Variants in LRMDA observed in about 807,000 individuals in gnomAD.
LRMDA encodes leucine rich melanocyte differentiation associated, also known as leucine-rich melanocyte differentiation-associated protein.
In LRMDA, 18 loss-of-function variants were observed where a neutral mutation model predicts 29.8. The ratio of observed to expected loss-of-function variants is 0.60; its 90% CI spans 0.42 to 0.90. The LOEUF (loss-of-function observed/expected upper bound fraction) is 0.90, where lower values mean the gene tolerates loss of function less well. LRMDA is among the 40% of genes least tolerant of loss of function. LRMDA has a pLI of 0.00. For missense variants in LRMDA, 273 were observed against 273.9 expected (o/e 1.00, Z 0.02); for synonymous variants, 125 against 109.4 (o/e 1.14, Z -0.89).
At chr10:75,905,636 A>G (rs1407776620) in intron 2 of LRMDA, among the ~76,000 whole-genome samples, 1 of 151,894 alleles carries the variant, frequency 6.6e-6, no homozygotes, top group Non-Finnish European at 1.5e-5. Context: ...GAGTCAGTCT[A>G]ATTTCTAGAG....
In LRMDA at chr10:76,027,162, A is replaced by T. The variant is rs547645627; in HGVS notation, c.132-8846A>T. On this transcript the variant is annotated intron_variant, in intron 2 of 6. Transcript: ENST00000611255. ...TCCTTGGATGGTGTTTCTGAATGCA[A>T]ATCCACCTTTGAATCTGGCACCTGG... 2.5e-4 allele frequency among the ~76,000 whole-genome samples: 38 copies of T among 152,204 alleles called. No individual in the cohort carries two copies. The South Asian group carries it at 3.3e-3, about 13-fold the overall frequency.
At chr10:75,613,456 A>ACAGTAT (rs1297787664) in intron 2 of LRMDA, among the ~76,000 whole-genome samples, 1 of 152,150 alleles carries the variant, frequency 6.6e-6, no homozygotes, top group African/African-American at 2.4e-5. Context: ...TATGGATCAG[A>ACAGTAT]CAGTATCTCT....
intron 2 of LRMDA, among the ~76,000 whole-genome samples, chr10:75,570,285 G>A (rs1490892561): frequency 2.0e-5 from 3 of 152,204 alleles, no homozygotes; most frequent in Non-Finnish European, 4.4e-5. Flanking sequence ...AAGGTTAAAA[G>A]CACTATACTG....
At chr10:75,980,963 T>C (rs766134635) in intron 2 of LRMDA, among the ~76,000 whole-genome samples, 4 of 152,210 alleles carry the variant, frequency 2.6e-5, no homozygotes, top group Non-Finnish European at 5.9e-5. Flanking sequence ...TCCCCTAGCA[T>C]GTTTTAAACT....
intron 2 of LRMDA, among the ~76,000 whole-genome samples, chr10:75,728,877 G>A (rs1440647769): frequency 6.6e-6 from 1 of 152,098 alleles, no homozygotes; most frequent in Non-Finnish European, 1.5e-5. Flanking sequence ...AAGAGTGGTG[G>A]TCTCCCCCTG....
Position 75,686,655 on chromosome 10 carries a change from A to G in LRMDA, c.131+248161A>G, listed in dbSNP as rs560942648. Among the ~76,000 whole-genome samples, 76 of 152,322 alleles carry G rather than the reference A, an allele frequency of 5.0e-4. 1 individual carries two copies. Among genetic ancestry groups the G allele is most frequent in the Middle Eastern group, 3.4e-3 (1 of 294 alleles). ...CCCTATAGTTGTTTGTTTTCATAAT[A>G]TCATATTCTCCACATGTTCTATGAA... On this transcript the variant is annotated intron_variant, in intron 2 of 6. Transcript: ENST00000611255.
chr10:76,363,825 G>C (rs1394184590), intron 6 of LRMDA, among the ~76,000 whole-genome samples: 1 of 152,136 alleles, frequency 6.6e-6, no homozygotes, highest in Non-Finnish European at 1.5e-5. Context: ...TACAGTTAAT[G>C]TTCTGTTATA....
intron 2 of LRMDA, among the ~76,000 whole-genome samples, chr10:75,604,620 C>G (rs1304772908): frequency 6.6e-6 from 1 of 152,126 alleles, no homozygotes; most frequent in East Asian, 1.9e-4. Context: ...GTTATCTTGT[C>G]AAACCCAACT....
chr10:76,076,832 C>T lies in LRMDA; in HGVS notation c.516+18049C>T, dbSNP rs189797381. Among the ~76,000 whole-genome samples the T allele has an allele frequency of 7.2e-5, 11 of 152,228 alleles. No individual in the cohort carries two copies. The East Asian group carries it at 2.1e-3, about 29-fold the overall frequency. On this transcript the variant is annotated intron_variant, in intron 5 of 6. Transcript: ENST00000611255. ...GCTCTTTCAAGGGTCGGGCAGACAACAAACAAATATGTTGCATTTATAGCC... is the reference window on the plus strand; with the variant it reads ...GCTCTTTCAAGGGTCGGGCAGACAATAAACAAATATGTTGCATTTATAGCC...
In LRMDA at chr10:76,297,564, G is replaced by C. The variant is rs571730413; in HGVS notation, c.517-26837G>C. ...TGTTCATTCCAGCTTCCTTGTGTCA[G>C]AGTCACTGTTAAGTAGGAGGTCGTT... is the stretch of plus-strand genomic sequence containing the variant. On this transcript the variant is annotated intron_variant, in intron 5 of 6. Transcript: ENST00000611255. 8.5e-5 allele frequency among the ~76,000 whole-genome samples: 13 copies of C among 152,346 alleles called. 1 individual carries two copies. The South Asian group carries it at 2.5e-3, about 29-fold the overall frequency.
chr10:75,809,205 C>G (rs1384997763), intron 2 of LRMDA, among the ~76,000 whole-genome samples: 1 of 152,194 alleles, frequency 6.6e-6, no homozygotes, highest in African/African-American at 2.4e-5. Context: ...TGCCAGGTGG[C>G]CTCTGCATCT....
chr10:75,983,310 G>A (rs1441141697), intron 2 of LRMDA, among the ~76,000 whole-genome samples: 1 of 152,204 alleles, frequency 6.6e-6, no homozygotes, highest in Non-Finnish European at 1.5e-5. Context: ...CACTAACTTG[G>A]AAAGTCTTTC....
chr10:76,516,285 A>C (rs978061001), intron 6 of LRMDA, among the ~76,000 whole-genome samples: 26 of 152,380 alleles, frequency 1.7e-4, no homozygotes, highest in Non-Finnish European at 2.9e-4. Context: ...AATTTGTATG[A>C]AATGATTAAA....
chr10:75,482,551 T>C (rs1391370607), intron 2 of LRMDA, among the ~76,000 whole-genome samples: 3 of 152,176 alleles, frequency 2.0e-5, no homozygotes, highest in Non-Finnish European at 4.4e-5. Flanking sequence ...TCTGTGAAGG[T>C]ACGCCCAGGT....
At chr10:75,614,004 A>G (rs1416065962) in intron 2 of LRMDA, among the ~76,000 whole-genome samples, 1 of 152,184 alleles carries the variant, frequency 6.6e-6, no homozygotes, top group Non-Finnish European at 1.5e-5. Flanking sequence ...AAGACCTTGA[A>G]AATGTGGCTT....
rs149164287 is a variant in LRMDA at position 75,949,960 on chromosome 10, T to C, written c.132-86048T>C. Among the ~76,000 whole-genome samples, 629 of 152,302 alleles carry C rather than the reference T, an allele frequency of 4.1e-3. 3 individuals carry two copies. The highest frequency in any genetic ancestry group is 6.1e-3 in the Admixed American group (93 of 15,306). On this transcript the variant is annotated intron_variant, in intron 2 of 6. Transcript: ENST00000611255. ...TTTTCTTGGTGACAGGAATACTCTT[T>C]CTGAAGCCCAGAGAACTCTAGGTCC...
chr10:75,979,161 A>G (rs1847124072), intron 2 of LRMDA, among the ~76,000 whole-genome samples: 1 of 152,154 alleles, frequency 6.6e-6, no homozygotes, highest in African/African-American at 2.4e-5. Flanking sequence ...CATTGTTCTT[A>G]TTGTTATTAT....
At chr10:75,949,194 G>A (rs1457407599) in intron 2 of LRMDA, among the ~76,000 whole-genome samples, 1 of 152,194 alleles carries the variant, frequency 6.6e-6, no homozygotes, top group Non-Finnish European at 1.5e-5. Context: ...TTTAGGAGGG[G>A]TGTCCTGGAA....
At chr10:75,692,034 C>G (rs1842165352) in intron 2 of LRMDA, among the ~76,000 whole-genome samples, 1 of 151,672 alleles carries the variant, frequency 6.6e-6, no homozygotes, top group South Asian at 2.1e-4. Context: ...GAGACCTCAT[C>G]TCTACAAAAG....
Sources: gnomAD v4.1 joint callset for allele counts (sites outside exome capture counted in the v4.1 genomes callset) on GRCh38, gnomAD v4.1.1 for gene constraint, MANE v1.5 for transcripts, NCBI Gene and HGNC (gene_info 2026-07-23, HGNC 2026-07-21) for gene names.